SHROOM3: variants seen among roughly 807,000 people sequenced by gnomAD.
SHROOM3 encodes the protein protein Shroom3.
A neutral mutation model predicts 138.6 loss-of-function variants in SHROOM3; 47 were observed. That is an observed-to-expected ratio of 0.34 (90% CI 0.27 to 0.43). SHROOM3 has a LOEUF of 0.43. Among genes scored for constraint, SHROOM3 ranks in the 20% least tolerant of loss-of-function variants. The pLI, the probability that SHROOM3 is intolerant of heterozygous loss-of-function variation, is 1.00. For missense variants in SHROOM3, 2,491 were observed against 2,596.5 expected (o/e 0.96, Z 0.88); for synonymous variants, 1,062 against 1,063.3 (o/e 1.00, Z 0.02).
At chr4:76,528,545 TTTC>T (rs1306618019) in intron 1 of SHROOM3, among the ~76,000 whole-genome samples, 5 of 35,476 alleles carry the variant, frequency 1.4e-4, no homozygotes, top group African/African-American at 5.0e-4. Flanking sequence ...TCTTTCTTTC[TTTC>T]TTTTTTTTTT....
rs1380128710 is a variant in SHROOM3 at position 76,555,691 on chromosome 4, T to C, written c.251T>C (p.Leu84Pro). ...DEVVHINEVT[L>P]SSSRKEAVSL... is the part of the protein sequence containing the mutation. Reference sequence around the variant, plus strand: ...GTTGTGCACATCAATGAGGTGACTCTGAGCAGCTCCAGAAAGGAGGCAGTT... The same window carrying C: ...GTTGTGCACATCAATGAGGTGACTCCGAGCAGCTCCAGAAAGGAGGCAGTT... Residue 84 changes from leucine to proline, a missense_variant, in exon 2 of 11, where the codon CTG (leucine) becomes CCG (proline). Coordinates refer to ENST00000296043, the MANE Select transcript of SHROOM3 (RefSeq NM_020859.4). 5 of 1,614,118 alleles carry C rather than the reference T, an allele frequency of 3.1e-6. No homozygotes were observed. Among genetic ancestry groups the C allele is most frequent in the Non-Finnish European group, 4.2e-6 (5 of 1,180,012 alleles).
At position 76,750,296 on chromosome 4, in the gene SHROOM3, A is replaced by T. The variant is rs192903617; in HGVS notation, c.3827+1206A>T. Among the ~76,000 whole-genome samples, 6 of 152,330 alleles carry T rather than the reference A, an allele frequency of 3.9e-5. No individual in the cohort carries two copies. The East Asian group carries it at 7.7e-4, about 20-fold the overall frequency. On this transcript the variant is annotated intron_variant, in intron 6 of 10. Coordinates refer to ENST00000296043, the MANE Select transcript of SHROOM3 (RefSeq NM_020859.4). ...AATCAAAGACGGGACGAAACAACAA[A>T]CAATCAAATAACCCTATTTAAAAAT...
At chr4:76,566,532 C>T (rs545422685) in intron 2 of SHROOM3, among the ~76,000 whole-genome samples, 1 of 152,340 alleles carries the variant, frequency 6.6e-6, no homozygotes, top group East Asian at 1.9e-4. Flanking sequence ...TTAAATACCA[C>T]CCCCTCCACA....
intron 2 of SHROOM3, among the ~76,000 whole-genome samples, chr4:76,570,203 G>A (rs1198082267): frequency 6.6e-6 from 1 of 151,516 alleles, no homozygotes; most frequent in East Asian, 1.9e-4. Context: ...GTACTTCTCA[G>A]CCTGCCACCT....
intron 2 of SHROOM3, among the ~76,000 whole-genome samples, chr4:76,684,638 AAAG>A (rs1719286651): frequency 6.6e-6 from 1 of 152,218 alleles, no homozygotes; most frequent in African/African-American, 2.4e-5. Flanking sequence ...CTGGGGCTAT[AAAG>A]AACAACAGAA....
rs1722710449 is a variant in SHROOM3 at position 76,780,649 on chromosome 4, C to G, written c.*1472C>G. ...AGAATATCAAAATTGTAGTTTGGGTCTCCAGTAGAGATGTCTTTTGATTAA... is the reference window on the plus strand; with the variant it reads ...AGAATATCAAAATTGTAGTTTGGGTGTCCAGTAGAGATGTCTTTTGATTAA... On this transcript the variant is annotated 3_prime_UTR_variant, in exon 11 of 11. Transcript: ENST00000296043. 1 of 152,032 alleles carries G rather than the reference C, an allele frequency of 6.6e-6. No individual in the cohort carries two copies. Among genetic ancestry groups the G allele is most frequent in the Non-Finnish European group, 1.5e-5 (1 of 68,008 alleles). 9.4% of individuals were successfully genotyped at this position (152,032 alleles called of 1,614,324 possible).
intron 1 of SHROOM3, among the ~76,000 whole-genome samples, chr4:76,511,151 C>A (rs1732327292): frequency 1.3e-5 from 2 of 151,102 alleles, no homozygotes; most frequent in African/African-American, 4.9e-5. Flanking sequence ...CACTGCACTC[C>A]AGCCTGGGCA....
At chr4:76,473,491 C>T (rs556349887) in intron 1 of SHROOM3, among the ~76,000 whole-genome samples, 2 of 152,044 alleles carry the variant, frequency 1.3e-5, no homozygotes, top group Non-Finnish European at 2.9e-5. Flanking sequence ...TACCTGTAGT[C>T]CTAACTACTC....
chr4:76,737,418 G>A (rs899883077), intron 4 of SHROOM3, among the ~76,000 whole-genome samples: 11 of 152,132 alleles, frequency 7.2e-5, no homozygotes, highest in African/African-American at 2.7e-4. Flanking sequence ...GTGGACGTGA[G>A]TTTTCAGTTC....
At position 76,686,446 on chromosome 4, in the gene SHROOM3, T is replaced by C. The variant is rs1322490709; in HGVS notation, c.324-23710T>C. On this transcript the variant is annotated intron_variant, in intron 2 of 10. Transcript: ENST00000296043. ...ATGTATGATTTCTAGATATAGTCTT[T>C]TTAAATATACAATTAATTAAATGTA... is the stretch of plus-strand genomic sequence containing the variant. 2.6e-5 allele frequency among the ~76,000 whole-genome samples: 4 copies of C among 152,330 alleles called. No individual in the cohort carries two copies. The East Asian group carries it at 7.7e-4, about 29-fold the overall frequency.
At chr4:76,709,054 C>A (rs1198784867) in intron 2 of SHROOM3, among the ~76,000 whole-genome samples, 1 of 152,212 alleles carries the variant, frequency 6.6e-6, no homozygotes, top group African/African-American at 2.4e-5. Context: ...CCATCTTCCC[C>A]ATGCTGTAGA....
intron 2 of SHROOM3, among the ~76,000 whole-genome samples, chr4:76,616,541 T>C (rs2110063985): frequency 6.6e-6 from 1 of 152,254 alleles, no homozygotes; most frequent in Non-Finnish European, 1.5e-5. Flanking sequence ...TGGATGAAAC[T>C]TGAGGATGTT....
At chr4:76,589,739 A>C (rs1477551903) in intron 2 of SHROOM3, among the ~76,000 whole-genome samples, 1 of 152,222 alleles carries the variant, frequency 6.6e-6, no homozygotes, top group African/African-American at 2.4e-5. Flanking sequence ...CCCAGCAATC[A>C]GCCTCTGAAG....
At chr4:76,631,055 T>C (rs1440239711) in intron 2 of SHROOM3, among the ~76,000 whole-genome samples, 2 of 152,102 alleles carry the variant, frequency 1.3e-5, no homozygotes, top group Non-Finnish European at 2.9e-5. Context: ...TATAGGGGTA[T>C]GCAGACAACA....
chr4:76,599,538 A>G (rs1413065204), intron 2 of SHROOM3, among the ~76,000 whole-genome samples: 1 of 152,166 alleles, frequency 6.6e-6, no homozygotes, highest in African/African-American at 2.4e-5. Flanking sequence ...GTTTTTGGAG[A>G]AAGCAGTTTT....
At chr4:76,757,945 T>C (rs1448171244) in intron 8 of SHROOM3, 1 of 152,144 alleles carries the variant, frequency 6.6e-6, no homozygotes, top group African/African-American at 2.4e-5. Flanking sequence ...AAATTTGGGA[T>C]TGCATTTTAA....
chr4:76,707,138 T>C (rs1440555481), intron 2 of SHROOM3, among the ~76,000 whole-genome samples: 1 of 152,202 alleles, frequency 6.6e-6, no homozygotes, highest in African/African-American at 2.4e-5. Context: ...TAAGTAAAAA[T>C]GGGCTTATTT....
intron 5 of SHROOM3, among the ~76,000 whole-genome samples, chr4:76,745,608 C>G (rs551886037): frequency 1.3e-5 from 2 of 152,314 alleles, no homozygotes; most frequent in South Asian, 4.1e-4. Context: ...TGACTTTCCA[C>G]AAAATGTGAA....
intron 1 of SHROOM3, among the ~76,000 whole-genome samples, chr4:76,446,338 A>AG (rs980494772): frequency 1.3e-5 from 2 of 152,100 alleles, no homozygotes; most frequent in African/African-American, 4.8e-5. Flanking sequence ...AAAAAAAAAA[A>AG]AAAAGTGGAA....
Sources: allele counts gnomAD v4.1 joint callset (sites outside exome capture counted in the v4.1 genomes callset), GRCh38; gene constraint gnomAD v4.1.1; transcripts MANE v1.5; gene names NCBI Gene and HGNC (gene_info 2026-07-23, HGNC 2026-07-21).